RYR3: variants seen among roughly 807,000 people sequenced by gnomAD.
RYR3 encodes ryanodine receptor 3.
A neutral mutation model predicts 584.3 loss-of-function variants in RYR3; 207 were observed. The ratio of observed to expected loss-of-function variants is 0.35; its 90% CI spans 0.32 to 0.40. The LOEUF (loss-of-function observed/expected upper bound fraction) is 0.40, where lower values mean the gene tolerates loss of function less well. RYR3 is among the 10% of genes least tolerant of loss of function. The probability of loss-of-function intolerance (pLI) is 1.00; values close to 1 mark genes in which losing one functional copy is unlikely to be tolerated. For missense variants in RYR3, 5,616 were observed against 6,089.2 expected (o/e 0.92, Z 2.59); for synonymous variants, 2,416 against 2,248.5 (o/e 1.07, Z -2.11).
intron 1 of RYR3, among the ~76,000 whole-genome samples, chr15:33,352,904 G>C (rs984296882): frequency 2.6e-5 from 4 of 152,032 alleles, no homozygotes; most frequent in Non-Finnish European, 4.4e-5. Context: ...AGGACGATGG[G>C]GACCTGTTTG....
chr15:33,704,119 C>A (rs1356674861), intron 42 of RYR3, among the ~76,000 whole-genome samples: 1 of 151,692 alleles, frequency 6.6e-6, no homozygotes. Flanking sequence ...AAAAGAAATA[C>A]AAAAGTTAGC....
intron 1 of RYR3, among the ~76,000 whole-genome samples, chr15:33,369,699 C>T (rs2077425): frequency 0.03 from 4,629 of 152,260 alleles, 231 homozygotes; most frequent in African/African-American, 0.1. Flanking sequence ...AAGGAAGATA[C>T]CATGTCCATT....
At chr15:33,453,237 T>C (rs1306553527) in intron 1 of RYR3, among the ~76,000 whole-genome samples, 4 of 151,978 alleles carry the variant, frequency 2.6e-5, no homozygotes, top group Admixed American at 2.0e-4. Context: ...GTAAGATTTG[T>C]AGAAAAAAAA....
intron 42 of RYR3, among the ~76,000 whole-genome samples, chr15:33,706,494 CT>C (rs530054645): frequency 4.4e-4 from 67 of 152,232 alleles, no homozygotes; most frequent in African/African-American, 1.5e-3. Flanking sequence ...CGGTATTTGT[CT>C]TTTTGTGACT....
At chr15:33,525,752 T>C (rs773294467) in intron 3 of RYR3, among the ~76,000 whole-genome samples, 8 of 152,242 alleles carry the variant, frequency 5.3e-5, no homozygotes, top group Non-Finnish European at 8.8e-5. Flanking sequence ...TTTCTACTTA[T>C]AAGGCATCAT....
intron 1 of RYR3, among the ~76,000 whole-genome samples, chr15:33,359,140 A>G (rs184271716): frequency 6.6e-6 from 1 of 152,208 alleles, no homozygotes. Context: ...TCTCATAACT[A>G]TTGCTTCCAT....
intron 38 of RYR3, among the ~76,000 whole-genome samples, chr15:33,693,964 C>T (rs978027443): frequency 1.7e-4 from 26 of 152,074 alleles, no homozygotes; most frequent in Middle Eastern, 3.2e-3. Context: ...GGGGTGGAAA[C>T]GCTTTTGTGG....
intron 2 of RYR3, among the ~76,000 whole-genome samples, chr15:33,473,999 C>T (rs534403109): frequency 6.6e-6 from 1 of 152,260 alleles, no homozygotes; most frequent in East Asian, 1.9e-4. Context: ...AACTGTCTGC[C>T]CACTGTGACA....
intron 18 of RYR3, among the ~76,000 whole-genome samples, chr15:33,607,642 G>T (rs1290577667): frequency 6.6e-6 from 1 of 152,138 alleles, no homozygotes; most frequent in Admixed American, 6.5e-5. Context: ...TTTCAGTACT[G>T]TCTTTGAATA....
intron 18 of RYR3, among the ~76,000 whole-genome samples, chr15:33,608,912 T>C (rs576898333): frequency 6.6e-6 from 1 of 152,218 alleles, no homozygotes; most frequent in Admixed American, 6.5e-5. Flanking sequence ...CCCAGCCATA[T>C]TTCCTCTGGA....
At chr15:33,718,075 C>T (rs750075330) in intron 43 of RYR3, among the ~76,000 whole-genome samples, 1 of 152,194 alleles carries the variant, frequency 6.6e-6, no homozygotes, top group African/African-American at 2.4e-5. Context: ...GGATCCTGGC[C>T]ATTACCCTGC....
intron 81 of RYR3, 51 bp from the exon 82 acceptor site, chr15:33,825,552 C>A: frequency 8.2e-7 from 1 of 1,216,130 alleles, no homozygotes; most frequent in Non-Finnish European, 1.2e-6. Flanking sequence ...TAGAAATCTG[C>A]TTTCCCAGCG....
At chr15:33,705,343 C>T (rs905234733) in intron 42 of RYR3, among the ~76,000 whole-genome samples, 3 of 152,038 alleles carry the variant, frequency 2.0e-5, no homozygotes, top group African/African-American at 7.3e-5. Flanking sequence ...ATTATACTTG[C>T]AAAATAGAAT....
chr15:33,593,817 C>A (rs894796751), intron 16 of RYR3, among the ~76,000 whole-genome samples: 1 of 152,206 alleles, frequency 6.6e-6, no homozygotes, highest in East Asian at 1.9e-4. Flanking sequence ...CATAATTTTT[C>A]TCTCTGCAGT....
chr15:33,487,273 T>C (rs1024935849), intron 2 of RYR3, among the ~76,000 whole-genome samples: 1 of 150,918 alleles, frequency 6.6e-6, no homozygotes, highest in African/African-American at 2.4e-5. Context: ...AGGGTTGGAA[T>C]GGGCAAAAGG....
chr15:33,492,550 G>A (rs555185265), intron 2 of RYR3, among the ~76,000 whole-genome samples: 1 of 151,918 alleles, frequency 6.6e-6, no homozygotes, highest in Non-Finnish European at 1.5e-5. Flanking sequence ...GTAGGAAGAA[G>A]GCATTGGGGA....
chr15:33,362,501 G>A (rs992070290), intron 1 of RYR3, among the ~76,000 whole-genome samples: 1 of 152,098 alleles, frequency 6.6e-6, no homozygotes, highest in Admixed American at 6.5e-5. Context: ...CTGCACATTT[G>A]TATTAATATA....
Position 33,390,364 on chromosome 15 carries a change from G to T in RYR3, c.51+79268G>T, listed in dbSNP as rs187133234. Reference sequence around the variant, plus strand: ...GTCTCTAAATTTCACCTGACCTATTGAACACTAATATTTCCAAACACTGAT... The same window carrying T: ...GTCTCTAAATTTCACCTGACCTATTTAACACTAATATTTCCAAACACTGAT... On this transcript the variant is annotated intron_variant, in intron 1 of 103. Coordinates refer to ENST00000634891, the MANE Select transcript of RYR3 (RefSeq NM_001036.6). This position sits in a 1 kb window ranked among gnomAD's most constrained non-coding sequence, Gnocchi z 4.2. Among the ~76,000 whole-genome samples, 1 of 152,134 alleles carries T rather than the reference G, an allele frequency of 6.6e-6. No individual in the cohort carries two copies. The highest frequency in any genetic ancestry group is 1.9e-4 in the East Asian group (1 of 5,202).
At chr15:33,604,599 A>G (rs1384184316) in intron 18 of RYR3, among the ~76,000 whole-genome samples, 1 of 152,208 alleles carries the variant, frequency 6.6e-6, no homozygotes, top group African/African-American at 2.4e-5. Context: ...CCCAGAGGAC[A>G]ATGTGGTCCT....
Sources: gnomAD v4.1 joint callset for allele counts (sites outside exome capture counted in the v4.1 genomes callset) on GRCh38, gnomAD v4.1.1 for gene constraint, Gnocchi (gnomAD v3.1) non-coding constraint, MANE v1.5 for transcripts, NCBI Gene and HGNC (gene_info 2026-07-23, HGNC 2026-07-21) for gene names.